The following POFUT3 variants were observed in gnomAD, a reference collection of about 807,000 sequenced individuals.
The protein encoded by POFUT3 is GDP-fucose protein O-fucosyltransferase 3.
At chr8:33,341,175 C>G in the POFUT3 span, among the ~76,000 whole-genome samples, 2 of 152,168 alleles carry the variant, frequency 1.3e-5, no homozygotes, top group Non-Finnish European at 2.9e-5. Flanking sequence ...GTGGCTCACA[C>G]CTGTAATCCC....
chr8:33,461,258 T>A, the POFUT3 span: 1 of 1,089,980 alleles, frequency 9.2e-7, no homozygotes, highest in Non-Finnish European at 1.3e-6. Flanking sequence ...ACCCTGATCC[T>A]GAACACCCCT....
the POFUT3 span, chr8:33,372,912 A>C: frequency 1.0e-6 from 1 of 969,168 alleles, no homozygotes; most frequent in Non-Finnish European, 1.5e-6. Context: ...CATGGAGCTA[A>C]AGGGGAAAGA....
At chr8:33,455,090 T>A in the POFUT3 span, among the ~76,000 whole-genome samples, 1 of 152,208 alleles carries the variant, frequency 6.6e-6, no homozygotes, top group African/African-American at 2.4e-5. Flanking sequence ...AAAGTAGTCA[T>A]AACATGGGTT....
chr8:33,414,751 CTTCTT>C, the POFUT3 span, among the ~76,000 whole-genome samples: 1 of 152,000 alleles, frequency 6.6e-6, no homozygotes, highest in Non-Finnish European at 1.5e-5. Flanking sequence ...GATAATCTTC[CTTCTT>C]TTATTTCCAA....
At chr8:33,425,356 A>G in the POFUT3 span, among the ~76,000 whole-genome samples, 1 of 152,108 alleles carries the variant, frequency 6.6e-6, no homozygotes, top group Non-Finnish European at 1.5e-5. Context: ...AAATTAAAAA[A>G]TTTTTTAAAT....
chr8:33,379,326 T>G, the POFUT3 span, among the ~76,000 whole-genome samples: 1 of 151,962 alleles, frequency 6.6e-6, no homozygotes, highest in Admixed American at 6.6e-5. Flanking sequence ...AAAAGAGGCA[T>G]GTCCATTGCC....
chr8:33,373,449 T>C, the POFUT3 span, among the ~76,000 whole-genome samples: 3 of 152,166 alleles, frequency 2.0e-5, no homozygotes, highest in Non-Finnish European at 4.4e-5. Flanking sequence ...GTACCTGACA[T>C]TGGCATAATA....
At chr8:33,362,024 T>C in the POFUT3 span, among the ~76,000 whole-genome samples, 9 of 152,152 alleles carry the variant, frequency 5.9e-5, no homozygotes, top group Non-Finnish European at 1.0e-4. Flanking sequence ...GAGAGAAAGG[T>C]TGAGTTATGC....
chr8:33,386,343 T>G, the POFUT3 span, among the ~76,000 whole-genome samples: 146 of 152,310 alleles, frequency 9.6e-4, no homozygotes, highest in Non-Finnish European at 1.8e-3. Context: ...TCATCTTCGC[T>G]GACCACCTCT....
At chr8:33,435,997 G>A in the POFUT3 span, among the ~76,000 whole-genome samples, 1 of 152,106 alleles carries the variant, frequency 6.6e-6, no homozygotes, top group Non-Finnish European at 1.5e-5. Context: ...AGGAGGCAGG[G>A]AGGAGACAGC....
chr8:33,379,854 T>C, the POFUT3 span, among the ~76,000 whole-genome samples: 8 of 126,284 alleles, frequency 6.3e-5, 1 homozygote, highest in African/African-American at 2.4e-4. Flanking sequence ...AAAATATATA[T>C]ATATATATAT....
chr8:33,397,761 A>G, the POFUT3 span, among the ~76,000 whole-genome samples: 11 of 152,226 alleles, frequency 7.2e-5, no homozygotes, highest in South Asian at 2.3e-3. Flanking sequence ...GGATTGACTG[A>G]TTGATTGATT....
the POFUT3 span, among the ~76,000 whole-genome samples, chr8:33,393,822 A>G: frequency 6.6e-6 from 1 of 152,212 alleles, no homozygotes; most frequent in Non-Finnish European, 1.5e-5. Flanking sequence ...TAGCACACGA[A>G]TGATGTGGAA....
the POFUT3 span, chr8:33,460,814 C>G: frequency 3.2e-5 from 29 of 911,994 alleles, no homozygotes; most frequent in Non-Finnish European, 3.8e-5. Flanking sequence ...GAAGGGTCTC[C>G]CTGCCAGAGG....
chr8:33,459,252 A>G, the POFUT3 span, among the ~76,000 whole-genome samples: 1 of 152,104 alleles, frequency 6.6e-6, no homozygotes, highest in Non-Finnish European at 1.5e-5. Flanking sequence ...AGGCAGGAGA[A>G]TTGCTTGAAC....
chr8:33,412,877 C>T, the POFUT3 span, among the ~76,000 whole-genome samples: 2 of 152,172 alleles, frequency 1.3e-5, no homozygotes, highest in African/African-American at 4.8e-5. Context: ...ATCTGCCCAC[C>T]TTGGCCTCCC....
the POFUT3 span, among the ~76,000 whole-genome samples, chr8:33,336,578 T>C: frequency 6.6e-6 from 1 of 152,090 alleles, no homozygotes. Context: ...TCTGTTGGAT[T>C]GAGGGGAGGT....
At chr8:33,311,470 A>G in the POFUT3 span, among the ~76,000 whole-genome samples, 1 of 152,238 alleles carries the variant, frequency 6.6e-6, no homozygotes, top group Non-Finnish European at 1.5e-5. Flanking sequence ...AACCATCATT[A>G]CTTTCTCATC....
chr8:33,471,725 AACTT>A, the POFUT3 span, among the ~76,000 whole-genome samples: 11 of 152,202 alleles, frequency 7.2e-5, no homozygotes, highest in Admixed American at 5.2e-4. Context: ...AAAACTTGAA[AACTT>A]ACTTTTTTTT....
Sources: gnomAD v4.1 joint callset for allele counts (sites outside exome capture counted in the v4.1 genomes callset) on GRCh38, gnomAD v4.1.1 for gene constraint, MANE v1.5 for transcripts, NCBI Gene and HGNC (gene_info 2026-07-23, HGNC 2026-07-21) for gene names.